TTC39C: variants seen among roughly 807,000 people sequenced by gnomAD.
TTC39C encodes the protein tetratricopeptide repeat domain 39C.
In TTC39C, 33 loss-of-function variants were observed where a neutral mutation model predicts 76.3. That is an observed-to-expected ratio of 0.43 (90% CI 0.33 to 0.58). The LOEUF (loss-of-function observed/expected upper bound fraction) is 0.58, where lower values mean the gene tolerates loss of function less well. Among genes scored for constraint, TTC39C ranks in the 20% least tolerant of loss-of-function variants. The pLI, the probability that TTC39C is intolerant of heterozygous loss-of-function variation, is 0.04. For missense variants in TTC39C, 595 were observed against 701.4 expected, an observed-to-expected ratio of 0.85 and a Z score of 1.71; for synonymous variants, 254 against 260.6, an observed-to-expected ratio of 0.97 and a Z score of 0.24.
At chr18:24,003,552 G>T (rs575885130) in intron 1 of TTC39C, among the ~76,000 whole-genome samples, 1 of 152,176 alleles carries the variant, frequency 6.6e-6, no homozygotes, top group African/African-American at 2.4e-5. Context: ...TGTTTCTGAT[G>T]AATCATAAGT....
chr18:24,010,100 C>A (rs1054307891), upstream of TTC39C, among the ~76,000 whole-genome samples: 1 of 152,156 alleles, frequency 6.6e-6, no homozygotes, highest in East Asian at 1.9e-4. Context: ...TTTAATTGAA[C>A]AAAGAACAAT....
intron 3 of TTC39C, among the ~76,000 whole-genome samples, chr18:24,067,554 C>T (rs2084181279): frequency 6.6e-6 from 1 of 152,156 alleles, no homozygotes; most frequent in Non-Finnish European, 1.5e-5. Flanking sequence ...GTCATAGGAG[C>T]ATGAACTGTC....
intron 1 of TTC39C, among the ~76,000 whole-genome samples, chr18:24,056,262 G>A (rs1444025218): frequency 6.6e-6 from 1 of 152,174 alleles, no homozygotes; most frequent in African/African-American, 2.4e-5. Context: ...AGATGTGGAT[G>A]ACAGCTGTGG....
chr18:24,119,568 A>G (rs948682179), intron 8 of TTC39C, among the ~76,000 whole-genome samples: 1 of 152,170 alleles, frequency 6.6e-6, no homozygotes. Flanking sequence ...ATGGACCCCA[A>G]AAGTCAGTGC....
chr18:24,119,626 C>T lies in TTC39C; in HGVS notation c.1186+1394C>T, dbSNP rs536065462. On this transcript the variant is annotated intron_variant, in intron 8 of 13. Coordinates refer to ENST00000317571, the MANE Select transcript of TTC39C (RefSeq NM_001135993.2). ...CCGCATTGCAATCCCTGTTGACAGG[C>T]GTGTTCTCATGGCTCTGTCCCTGAT... Among the ~76,000 whole-genome samples, 3 of 121,934 alleles carry T rather than the reference C, an allele frequency of 2.5e-5. No homozygotes were observed. In the East Asian group the frequency reaches 7.4e-4, roughly 30 times the overall value. The allele number at this position is 121,934 out of a possible 152,430, so 80.0% of individuals were successfully genotyped here.
intron 1 of TTC39C, among the ~76,000 whole-genome samples, chr18:24,020,854 G>C (rs2083509772): frequency 6.6e-6 from 1 of 152,064 alleles, no homozygotes; most frequent in African/African-American, 2.4e-5. Flanking sequence ...CCCTCATTTA[G>C]TTGAAAGAAG....
At chr18:24,003,110 G>A (rs924293154) in intron 1 of TTC39C, among the ~76,000 whole-genome samples, 19 of 152,216 alleles carry the variant, frequency 1.2e-4, no homozygotes, top group Admixed American at 1.2e-3. Context: ...CTCCTGCCTC[G>A]TCTCTGGCCA....
chr18:24,119,061 A>T (rs1294832368), intron 8 of TTC39C, among the ~76,000 whole-genome samples: 1 of 152,200 alleles, frequency 6.6e-6, no homozygotes, highest in East Asian at 1.9e-4. Flanking sequence ...TATTTACAGT[A>T]TAATATTTTA....
intron 6 of TTC39C, among the ~76,000 whole-genome samples, chr18:24,103,521 C>T (rs994155548): frequency 6.6e-6 from 1 of 152,224 alleles, no homozygotes; most frequent in Non-Finnish European, 1.5e-5. Context: ...TTCTTGGGAA[C>T]TCACTGAACT....
intron 10 of TTC39C, among the ~76,000 whole-genome samples, chr18:24,127,907 T>C (rs2085070391): frequency 6.6e-6 from 1 of 152,214 alleles, no homozygotes; most frequent in Admixed American, 6.5e-5. Flanking sequence ...CCCAGAATCC[T>C]CTGTGGTCTC....
At chr18:24,103,653 G>C (rs1365445179) in intron 6 of TTC39C, among the ~76,000 whole-genome samples, 2 of 152,116 alleles carry the variant, frequency 1.3e-5, no homozygotes, top group Non-Finnish European at 2.9e-5. Flanking sequence ...ATACTATATG[G>C]AGTTTTATTA....
At chr18:24,045,348 G>A (rs1269262527) in intron 1 of TTC39C, among the ~76,000 whole-genome samples, 1 of 152,064 alleles carries the variant, frequency 6.6e-6, no homozygotes, top group Admixed American at 6.6e-5. Context: ...GGGGGCCAGG[G>A]GGGATTTGTG....
intron 1 of TTC39C, among the ~76,000 whole-genome samples, chr18:24,028,915 G>A (rs181956906): frequency 6.6e-6 from 1 of 151,950 alleles, no homozygotes; most frequent in Non-Finnish European, 1.5e-5. Flanking sequence ...TAGAGACGGG[G>A]TTTCACCATA....
intron 8 of TTC39C, among the ~76,000 whole-genome samples, chr18:24,119,512 C>T (rs1393911579): frequency 6.6e-6 from 1 of 152,144 alleles, no homozygotes; most frequent in East Asian, 1.9e-4. Context: ...TAAGGATATT[C>T]TGGATCTCTT....
In TTC39C at chr18:24,128,935, T is replaced by A; in HGVS notation, c.1470T>A (p.Leu490=). ...CTGTTGTTGGATTAAAGTATTTGCTTCTTGGTGCCATACACAAATGTCTAG... is the reference window on the plus strand; with the variant it reads ...CTGTTGTTGGATTAAAGTATTTGCTACTTGGTGCCATACACAAATGTCTAG... ...DSSVVGLKYL[L]LGAIHKCLGN... is the part of the protein sequence containing the mutation. The change falls in exon 11 of 14, where the codon CTT becomes CTA. Residue 490 remains leucine, a synonymous_variant. Coordinates refer to ENST00000317571, the MANE Select transcript of TTC39C (RefSeq NM_001135993.2). 6.2e-7 allele frequency: 1 copy of A among 1,613,790 alleles called. No individual in the cohort carries two copies. Among genetic ancestry groups the A allele is most frequent in the East Asian group, 2.2e-5 (1 of 44,848 alleles).
intron 4 of TTC39C, among the ~76,000 whole-genome samples, chr18:24,075,511 C>T (rs2084293300): frequency 1.3e-5 from 2 of 151,630 alleles, no homozygotes; most frequent in African/African-American, 4.8e-5. Context: ...TGGCAAAACC[C>T]ATCTCTACTA....
intron 1 of TTC39C, among the ~76,000 whole-genome samples, chr18:24,015,633 G>C (rs2083445811): frequency 6.6e-6 from 1 of 152,206 alleles, no homozygotes; most frequent in Non-Finnish European, 1.5e-5. Context: ...CTTGTCTTCT[G>C]CAAACTCAGT....
At chr18:24,028,372 A>C (rs184059760) in intron 1 of TTC39C, among the ~76,000 whole-genome samples, 1 of 152,346 alleles carries the variant, frequency 6.6e-6, no homozygotes, top group African/African-American at 2.4e-5. Flanking sequence ...AAGAGAGAGT[A>C]GTTGAGGCTA....
rs183167444 is a variant in TTC39C, at chr18:24,017,506, C to T, written c.167+2468C>T. ...TAGCTTCTGTACGTGGTGCCTTCCCCGCTAGTATTGTGTTTTCTTCTTGAC... is the reference window on the plus strand; with the variant it reads ...TAGCTTCTGTACGTGGTGCCTTCCCTGCTAGTATTGTGTTTTCTTCTTGAC... On this transcript the variant is annotated intron_variant, in intron 1 of 13. Coordinates refer to ENST00000317571, the MANE Select transcript of TTC39C (RefSeq NM_001135993.2). 7.8e-3 allele frequency among the ~76,000 whole-genome samples: 1,192 copies of T among 152,346 alleles called. 29 individuals are homozygous for T. Among genetic ancestry groups the T allele is most frequent in the Admixed American group, 0.054 (822 of 15,306 alleles).
Sources: gnomAD v4.1 joint callset for allele counts (sites outside exome capture counted in the v4.1 genomes callset) on GRCh38, gnomAD v4.1.1 for gene constraint, MANE v1.5 for transcripts, NCBI Gene and HGNC (gene_info 2026-07-23, HGNC 2026-07-21) for gene names.